Variants in ARMC9 observed in about 807,000 individuals in gnomAD.
The protein encoded by ARMC9 is armadillo repeat containing 9.
Under a neutral mutation model 107.0 loss-of-function variants are expected in ARMC9, and 94 were observed. That is an observed-to-expected ratio of 0.88 (90% confidence interval 0.74 to 1.04). The LOEUF is 1.04. Among genes scored for constraint, ARMC9 ranks in the 50% least tolerant of loss-of-function variants. The probability of loss-of-function intolerance (pLI) is 0.00; values close to 1 mark genes in which losing one functional copy is unlikely to be tolerated. For missense variants in ARMC9, 942 were observed against 1,030.1 expected (o/e 0.91, Z 1.17); for synonymous variants, 380 against 396.9 (o/e 0.96, Z 0.51).
intron 21 of ARMC9, among the ~76,000 whole-genome samples, chr2:231,348,374 T>C (rs1014466901): frequency 6.6e-6 from 1 of 152,230 alleles, no homozygotes; most frequent in African/African-American, 2.4e-5. Context: ...CCAGAAAGAA[T>C]GCACCCCTGT....
At chr2:231,270,898 G>A in intron 12 of ARMC9, 84 bp from the exon 13 acceptor site, 1 of 1,131,706 alleles carries the variant, frequency 8.8e-7, no homozygotes, top group Non-Finnish European at 1.3e-6. Flanking sequence ...GGCAGAGGAA[G>A]AGAACTACCA....
At chr2:231,283,503 C>T (rs867315628) in intron 17 of ARMC9, among the ~76,000 whole-genome samples, 2 of 152,164 alleles carry the variant, frequency 1.3e-5, no homozygotes, top group East Asian at 3.8e-4. Flanking sequence ...CATCTTGACT[C>T]ACTGCAACCT....
chr2:231,366,567 C>T (rs964402431), intron 23 of ARMC9, among the ~76,000 whole-genome samples: 1 of 151,924 alleles, frequency 6.6e-6, no homozygotes, highest in Non-Finnish European at 1.5e-5. Flanking sequence ...ATTGGGCCAG[C>T]TGCGGTGGCT....
chr2:231,225,822 A>G (rs905598993), intron 6 of ARMC9, among the ~76,000 whole-genome samples: 2 of 152,200 alleles, frequency 1.3e-5, no homozygotes, highest in Non-Finnish European at 2.9e-5. Context: ...AACTCTGAAA[A>G]TACTGAAAAC....
Position 231,371,499 on chromosome 2 carries a change from G to A in ARMC9, c.2435-14G>A, listed in dbSNP as rs569122457. The A allele has an allele frequency of 4.9e-4, 603 of 1,238,190 alleles. 4 individuals carry two copies. In the African/African-American group the frequency reaches 8.3e-3, roughly 17 times the overall value. 76.7% of individuals were successfully genotyped at this position (1,238,190 alleles called of 1,614,324 possible). On this transcript the variant is annotated splice_polypyrimidine_tract_variant and intron_variant, in intron 24 of 24. Transcript: ENST00000611582. The stretch of plus-strand genomic sequence containing the variant: ...CACACAGCACTGGCATCTTGCTCTG[G>A]CTTTTCTCTCCAGGCAGCCAGTCTC...
At chr2:231,267,217 C>T (rs1184075348) in intron 12 of ARMC9, among the ~76,000 whole-genome samples, 1 of 152,036 alleles carries the variant, frequency 6.6e-6, no homozygotes, top group Non-Finnish European at 1.5e-5. Flanking sequence ...TACCAGTTGT[C>T]CAACAGCAAT....
At chr2:231,284,357 C>G (rs143999884) in intron 17 of ARMC9, among the ~76,000 whole-genome samples, 7 of 152,328 alleles carry the variant, frequency 4.6e-5, no homozygotes, top group African/African-American at 1.4e-4. Context: ...GAACATATCC[C>G]TATCACTAAG....
At chr2:231,304,327 G>A (rs994957426) in intron 19 of ARMC9, among the ~76,000 whole-genome samples, 1 of 152,184 alleles carries the variant, frequency 6.6e-6, no homozygotes, top group African/African-American at 2.4e-5. Context: ...TTTTACCCAT[G>A]CAGGATTTTG....
chr2:231,329,072 C>T (rs1015240367), intron 19 of ARMC9, among the ~76,000 whole-genome samples: 5 of 151,916 alleles, frequency 3.3e-5, no homozygotes, highest in Non-Finnish European at 5.9e-5. Flanking sequence ...CCACCCACCT[C>T]GGCCTCCCAA....
At chr2:231,202,767 T>G (rs1249174947) in intron 1 of ARMC9, among the ~76,000 whole-genome samples, 1 of 152,044 alleles carries the variant, frequency 6.6e-6, no homozygotes, top group Non-Finnish European at 1.5e-5. Context: ...ACACGAAGGG[T>G]GACTTGACAG....
intron 19 of ARMC9, among the ~76,000 whole-genome samples, chr2:231,320,198 G>A (rs924731722): frequency 1.3e-5 from 2 of 152,124 alleles, no homozygotes; most frequent in African/African-American, 4.8e-5. Flanking sequence ...CCACAGTGCA[G>A]CAAAGAGCTT....
intron 20 of ARMC9, among the ~76,000 whole-genome samples, chr2:231,343,114 T>C (rs2044617032): frequency 2.0e-5 from 3 of 151,972 alleles, no homozygotes; most frequent in Non-Finnish European, 4.4e-5. Flanking sequence ...GATTTCTCCA[T>C]GTTAGTCAGG....
Position 231,255,928 on chromosome 2 carries a change from T to C in ARMC9, c.880-658T>C, listed in dbSNP as rs2037742936. 2.0e-5 allele frequency among the ~76,000 whole-genome samples: 3 copies of C among 152,120 alleles called. No homozygotes were observed. On this transcript the variant is annotated intron_variant, in intron 9 of 24. Coordinates refer to ENST00000611582, the MANE Select transcript of ARMC9 (RefSeq NM_001352754.2). This position sits in a 1 kb window ranked among gnomAD's most constrained non-coding sequence, Gnocchi z 4.7. ...GGTGGCAGGTGCCTGTAATCCCAGC[T>C]ACTCAGGAGGCTGAGGCAGGAGAAT...
chr2:231,243,246 CAAA>C (rs993079189), intron 9 of ARMC9, among the ~76,000 whole-genome samples: 6 of 109,086 alleles, frequency 5.5e-5, no homozygotes, highest in Admixed American at 1.0e-4. Context: ...GACTCCGTCT[CAAA>C]AAAAAAAAAA....
At chr2:231,213,508 G>T (rs1346839456) in intron 3 of ARMC9, among the ~76,000 whole-genome samples, 2 of 146,452 alleles carry the variant, frequency 1.4e-5, no homozygotes, top group African/African-American at 2.6e-5. Context: ...ATGGAGTCTC[G>T]CTCTGTTGCC....
chr2:231,207,242 A>G (rs185307119), intron 2 of ARMC9, among the ~76,000 whole-genome samples: 3 of 152,312 alleles, frequency 2.0e-5, no homozygotes, highest in Admixed American at 2.0e-4. Context: ...TCTTGGCTTC[A>G]AGCAATCCTC....
intron 19 of ARMC9, among the ~76,000 whole-genome samples, 158 bp downstream of exon 19, chr2:231,296,411 C>T (rs536638875): frequency 3.9e-5 from 6 of 152,280 alleles, no homozygotes; most frequent in East Asian, 1.9e-4. Context: ...GGTGGTGGTT[C>T]GGGTCTCACT....
intron 21 of ARMC9, among the ~76,000 whole-genome samples, chr2:231,349,781 T>TAAA (rs201479708): frequency 1.9e-4 from 28 of 151,272 alleles, no homozygotes; most frequent in African/African-American, 6.6e-4. Context: ...ACCCCCAACT[T>TAAA]AAAACAAAAA....
chr2:231,355,915 G>A lies in ARMC9; in HGVS notation c.2112G>A (p.Glu704=), dbSNP rs547799218. The change falls in exon 22 of 25, where the codon GAG becomes GAA. Residue 704 remains glutamate (E), a synonymous_variant. Transcript: ENST00000611582. The part of the protein sequence containing the change: ...VYREGKPSTP[E]SCVSSSSAII... ...GGGAGGGCAAGCCCAGCACCCCGGA[G>A]TCCTGCGTCTCCTCTTCATGTAAGA... The A allele has an allele frequency of 8.5e-5, 130 of 1,535,990 alleles. No individual in the cohort carries two copies. In the East Asian group the frequency reaches 3.0e-3, roughly 36 times the overall value.
Sources: gnomAD v4.1 joint callset for allele counts (sites outside exome capture counted in the v4.1 genomes callset) on GRCh38, gnomAD v4.1.1 for gene constraint, Gnocchi (gnomAD v3.1) non-coding constraint, MANE v1.5 for transcripts, NCBI Gene and HGNC (gene_info 2026-07-23, HGNC 2026-07-21) for gene names.